NCBP1: variants seen among roughly 807,000 people sequenced by gnomAD.
The protein encoded by NCBP1 is nuclear cap-binding protein subunit 1.
In NCBP1, 16 loss-of-function variants were observed where a neutral mutation model predicts 111.7. The ratio of observed to expected loss-of-function variants is 0.14; its 90% confidence interval spans 0.10 to 0.22. NCBP1 has a LOEUF of 0.22. Among genes scored for constraint, NCBP1 ranks in the 10% least tolerant of loss-of-function variants. NCBP1 has a pLI of 1.00. For synonymous variants in NCBP1, 304 were observed against 314.3 expected, an observed-to-expected ratio of 0.97 and a Z score of 0.35; for missense variants, 607 against 957.5, an observed-to-expected ratio of 0.63 and a Z score of 4.83.
chr9:97,645,503 T>A (rs1827309224), intron 5 of NCBP1, 108 bp from the exon 6 acceptor site: 1 of 1,187,604 alleles, frequency 8.4e-7, no homozygotes, highest in African/African-American at 1.5e-5. Context: ...AGATGTCTTA[T>A]TTAAGTCCTA....
At chr9:97,666,489 G>C (rs1427840493) in intron 19 of NCBP1, among the ~76,000 whole-genome samples, 1 of 152,182 alleles carries the variant, frequency 6.6e-6, no homozygotes, top group Admixed American at 6.5e-5. Flanking sequence ...AATTCAGTAA[G>C]TATGTACCTC....
intron 21 of NCBP1, 85 bp from the exon 22 acceptor site, chr9:97,669,508 A>T (rs1234762288): frequency 5.8e-6 from 5 of 863,506 alleles, no homozygotes; most frequent in Non-Finnish European, 9.5e-6. Context: ...AACAGGCAAT[A>T]CTTTGGGGTT....
At chr9:97,644,266 T>C (rs1008255282) in intron 4 of NCBP1, among the ~76,000 whole-genome samples, 1 of 152,146 alleles carries the variant, frequency 6.6e-6, no homozygotes, top group Non-Finnish European at 1.5e-5. Context: ...CCTTTATGGT[T>C]TCCCCAGTCT....
In NCBP1 at chr9:97,654,004, AAAT is replaced by A. The variant is rs1035944935; in HGVS notation, c.1170+97_1170+99del. On this transcript the variant is annotated intron_variant, in intron 11 of 22. Coordinates refer to ENST00000375147, the MANE Select transcript of NCBP1 (RefSeq NM_002486.5). ...TGTGGGTTTAAATTTTGTAGGTAAA[AAAT>A]GTGGCTTTTGAAGTGTGTTGTGTGT... 5 of 1,093,078 alleles carry A rather than the reference AAAT, an allele frequency of 4.6e-6. No homozygotes were observed. In the African/African-American group the frequency reaches 6.4e-5, roughly 14 times the overall value. 67.7% of individuals were successfully genotyped at this position (1,093,078 alleles called of 1,614,324 possible).
At chr9:97,669,265 G>C (rs1339738271) in intron 21 of NCBP1, among the ~76,000 whole-genome samples, 2 of 151,816 alleles carry the variant, frequency 1.3e-5, no homozygotes, top group African/African-American at 4.8e-5. Flanking sequence ...CCTCATTGCT[G>C]ATCATTTTCC....
chr9:97,663,927 C>G (rs377294611), intron 18 of NCBP1, among the ~76,000 whole-genome samples: 2 of 151,586 alleles, frequency 1.3e-5, no homozygotes, highest in Middle Eastern at 3.4e-3. Context: ...ACCTGTAATC[C>G]TAGCACTTTG....
chr9:97,657,919 T>G (rs1266724812), intron 14 of NCBP1, among the ~76,000 whole-genome samples: 1 of 104,558 alleles, frequency 9.6e-6, no homozygotes, highest in African/African-American at 4.7e-5. Context: ...TATATATATA[T>G]ATATATATTT....
At chr9:97,637,910 C>T (rs1032715910) in intron 1 of NCBP1, among the ~76,000 whole-genome samples, 1 of 152,164 alleles carries the variant, frequency 6.6e-6, no homozygotes, top group Non-Finnish European at 1.5e-5. Context: ...AAGATCCTTT[C>T]AGATGGATTT....
Position 97,656,033 on chromosome 9 carries a change from C to T in NCBP1, c.1321C>T (p.Pro441Ser). Residue 441 changes from proline (P) to serine (S), a missense_variant, in exon 14 of 23, where the codon CCT becomes TCT. By Grantham distance (74) the Pro-to-Ser change is moderately conservative. This residue lies in a region of NCBP1 where 282 missense variants were observed against 376.5 expected (regional missense o/e 0.75). Coordinates refer to ENST00000375147, the MANE Select transcript of NCBP1 (RefSeq NM_002486.5). ...TAGGTCAGATTGTCTTAGTCAAGAT[C>T]CTGAAAGTCCCAAACCGAAGTTTGT... Reference protein sequence around the residue: ...EDWSDCLSQDPESPKPKFVRE... With the variant: ...EDWSDCLSQDSESPKPKFVRE... 6.2e-7 allele frequency: 1 copy of T among 1,613,994 alleles called. No individual in the cohort carries two copies. The highest frequency in any genetic ancestry group is 8.5e-7 in the Non-Finnish European group (1 of 1,179,920).
chr9:97,644,784 C>T (rs1026303263), intron 4 of NCBP1, among the ~76,000 whole-genome samples: 4 of 152,202 alleles, frequency 2.6e-5, no homozygotes, highest in African/African-American at 9.6e-5. Flanking sequence ...TTTGTTACAA[C>T]TTCTCAATTC....
chr9:97,641,932 C>G (rs1483198845), intron 3 of NCBP1, among the ~76,000 whole-genome samples: 1 of 152,028 alleles, frequency 6.6e-6, no homozygotes, highest in Non-Finnish European at 1.5e-5. Flanking sequence ...CTGTCTCATT[C>G]AGATATATAT....
chr9:97,656,547 A>C (rs79070347), intron 14 of NCBP1, among the ~76,000 whole-genome samples: 4 of 152,230 alleles, frequency 2.6e-5, no homozygotes, highest in Non-Finnish European at 4.4e-5. Context: ...CGACACTCTT[A>C]TCTCAAAAAA....
chr9:97,668,303 T>A (rs192690711), intron 20 of NCBP1, among the ~76,000 whole-genome samples: 1 of 152,296 alleles, frequency 6.6e-6, no homozygotes, highest in East Asian at 1.9e-4. Flanking sequence ...AAAAATTAAA[T>A]TCTATAAACT....
chr9:97,667,381 T>G (rs937582686), intron 20 of NCBP1, among the ~76,000 whole-genome samples: 2 of 152,150 alleles, frequency 1.3e-5, no homozygotes, highest in Non-Finnish European at 2.9e-5. Flanking sequence ...TATGAAAGTA[T>G]TTTCCAGTGT....
chr9:97,648,675 C>G (rs1349682819), intron 8 of NCBP1, among the ~76,000 whole-genome samples: 1 of 152,162 alleles, frequency 6.6e-6, no homozygotes, highest in Non-Finnish European at 1.5e-5. Context: ...AGAACAGTGT[C>G]TGTCACATGA....
intron 17 of NCBP1, 102 bp from the exon 18 acceptor site, chr9:97,662,852 T>C: frequency 6.1e-6 from 5 of 824,140 alleles, no homozygotes; most frequent in South Asian, 1.8e-5. Flanking sequence ...TTTGCATTTA[T>C]ATATTGCATT....
intron 10 of NCBP1, among the ~76,000 whole-genome samples, chr9:97,653,017 A>C (rs1159789191): frequency 6.6e-6 from 1 of 152,238 alleles, no homozygotes; most frequent in Non-Finnish European, 1.5e-5. Context: ...GAGGCATGGC[A>C]AAGAAGTCTT....
At chr9:97,662,367 T>C (rs564644579) in intron 17 of NCBP1, among the ~76,000 whole-genome samples, 1 of 152,348 alleles carries the variant, frequency 6.6e-6, no homozygotes, top group East Asian at 1.9e-4. Flanking sequence ...TTTTTTCATA[T>C]AGACATTTAA....
rs1587733327 is a variant in NCBP1, at chr9:97,672,846, G to C, written c.*1647G>C. Reference sequence around the variant, plus strand: ...CTAGCTTCATAAGAATATAGCATATGGGCTGGGCGCAGTGGCTCACGCCTG... The same window carrying C: ...CTAGCTTCATAAGAATATAGCATATCGGCTGGGCGCAGTGGCTCACGCCTG... On this transcript the variant is annotated 3_prime_UTR_variant, in exon 23 of 23. Coordinates refer to ENST00000375147, the MANE Select transcript of NCBP1 (RefSeq NM_002486.5). 7.1e-5 allele frequency: 11 copies of C among 154,374 alleles called. 4 individuals are homozygous for C. In the Admixed American group the frequency reaches 7.1e-4, roughly 10 times the overall value. The allele number at this position is 154,374 out of a possible 1,614,324, so 9.6% of individuals were successfully genotyped here. A position where few individuals can be genotyped will look rare whatever the true frequency, so the allele number is the denominator to read the frequency against.
Sources: allele counts gnomAD v4.1 joint callset (sites outside exome capture counted in the v4.1 genomes callset), GRCh38; gene constraint gnomAD v4.1.1; regional missense constraint gnomAD v4.1.1; transcripts MANE v1.5; gene names NCBI Gene and HGNC (gene_info 2026-07-23, HGNC 2026-07-21).